Variants in TRIM9 observed in about 807,000 individuals in gnomAD.
The protein encoded by TRIM9 is tripartite motif containing 9.
TRIM9 carries 26 observed loss-of-function variants against 78.3 expected under a neutral mutation model. The ratio of observed to expected loss-of-function variants is 0.33; its 90% CI spans 0.24 to 0.46. The LOEUF is 0.46. Among genes scored for constraint, TRIM9 ranks in the 20% least tolerant of loss-of-function variants. The probability of loss-of-function intolerance (pLI) is 1.00; values close to 1 mark genes in which losing one functional copy is unlikely to be tolerated. For missense variants in TRIM9, 787 were observed against 1,036.4 expected (o/e 0.76, Z 3.30); for synonymous variants, 398 against 416.5 (o/e 0.96, Z 0.54).
chr14:51,011,254 T>C (rs1299543666), intron 3 of TRIM9, among the ~76,000 whole-genome samples: 3 of 152,214 alleles, frequency 2.0e-5, no homozygotes, highest in Admixed American at 2.0e-4. Context: ...TAAGAAGCTG[T>C]CTGTGCTTGG....
chr14:50,993,738 G>T (rs1219699702), intron 7 of TRIM9, among the ~76,000 whole-genome samples: 2 of 152,138 alleles, frequency 1.3e-5, no homozygotes, highest in African/African-American at 4.8e-5. Context: ...ACAGACTTTG[G>T]ATAGTTTTCC....
chr14:51,069,171 T>A (rs2062000237), intron 1 of TRIM9, among the ~76,000 whole-genome samples: 1 of 152,194 alleles, frequency 6.6e-6, no homozygotes, highest in African/African-American at 2.4e-5. Flanking sequence ...TCCAAGTGCA[T>A]GGATATTTTC....
At chr14:51,057,114 T>C (rs1190683642) in intron 1 of TRIM9, among the ~76,000 whole-genome samples, 1 of 152,214 alleles carries the variant, frequency 6.6e-6, no homozygotes, top group Non-Finnish European at 1.5e-5. Flanking sequence ...TGGCCACAGA[T>C]GCTGTGCTCT....
intron 1 of TRIM9, among the ~76,000 whole-genome samples, chr14:51,093,806 T>G (rs1347858213): frequency 6.6e-6 from 1 of 152,088 alleles, no homozygotes; most frequent in African/African-American, 2.4e-5. Flanking sequence ...TCCCACACAC[T>G]GGCCGCGGCC....
chr14:51,025,847 A>G lies in TRIM9; in HGVS notation c.823-487T>C, dbSNP rs967495825. On this transcript the variant is annotated intron_variant, in intron 1 of 12. Coordinates refer to ENST00000684578, the MANE Select transcript of TRIM9 (RefSeq NM_001387360.1). ...CTGGGGCCACTTAAATATAATCACAAATTCAATGGGCAGGATGACATTCCA... is the reference window on the plus strand; with the variant it reads ...CTGGGGCCACTTAAATATAATCACAGATTCAATGGGCAGGATGACATTCCA... 2.6e-5 allele frequency among the ~76,000 whole-genome samples: 4 copies of G among 151,996 alleles called. No individual in the cohort carries two copies. In the East Asian group the frequency reaches 7.7e-4, roughly 29 times the overall value.
chr14:51,040,449 C>T (rs1010226309), intron 1 of TRIM9, among the ~76,000 whole-genome samples: 4 of 152,130 alleles, frequency 2.6e-5, no homozygotes, highest in African/African-American at 9.7e-5. Context: ...CTGGTCTGTG[C>T]GCCCTCCCAC....
At chr14:51,052,030 G>A (rs2060470356) in intron 1 of TRIM9, among the ~76,000 whole-genome samples, 1 of 141,044 alleles carries the variant, frequency 7.1e-6, no homozygotes, top group African/African-American at 2.7e-5. Flanking sequence ...GAGGGGAGGG[G>A]AGGGGAGGGA....
intron 4 of TRIM9, among the ~76,000 whole-genome samples, chr14:51,010,169 CCT>C (rs2056396781): frequency 6.6e-6 from 1 of 151,714 alleles, no homozygotes; most frequent in Non-Finnish European, 1.5e-5. Flanking sequence ...AGCCCATGGA[CCT>C]CTCAGACTTG....
intron 1 of TRIM9, among the ~76,000 whole-genome samples, chr14:51,052,048 A>G (rs2060475636): frequency 1.3e-5 from 1 of 76,042 alleles, no homozygotes; most frequent in African/African-American, 5.8e-5. Flanking sequence ...GGAAAAGAAG[A>G]GAAGAGAAGA....
intron 3 of TRIM9, among the ~76,000 whole-genome samples, chr14:51,014,789 G>A (rs753346084): frequency 6.6e-6 from 1 of 152,146 alleles, no homozygotes; most frequent in African/African-American, 2.4e-5. Flanking sequence ...CCACCTCACT[G>A]TTGTCTTTGA....
At chr14:51,053,584 T>TTC (rs1439630077) in intron 1 of TRIM9, among the ~76,000 whole-genome samples, 1 of 120,954 alleles carries the variant, frequency 8.3e-6, no homozygotes, top group Non-Finnish European at 1.8e-5. Flanking sequence ...AATTTTCTTT[T>TTC]TTTTTTTTTA....
At chr14:51,076,675 C>T (rs2062810144) in intron 1 of TRIM9, among the ~76,000 whole-genome samples, 1 of 152,178 alleles carries the variant, frequency 6.6e-6, no homozygotes, top group Non-Finnish European at 1.5e-5. Flanking sequence ...TGGCCAGGCT[C>T]TGTTTTAAGG....
intron 1 of TRIM9, among the ~76,000 whole-genome samples, chr14:51,038,479 C>T (rs940701903): frequency 1.3e-5 from 2 of 152,042 alleles, no homozygotes; most frequent in Non-Finnish European, 2.9e-5. Flanking sequence ...ATTGCTTCAC[C>T]TGATATTTTG....
rs912602482 is a variant in TRIM9 at position 50,976,588 on chromosome 14, T to G, written c.*703A>C. The G allele has an allele frequency of 1.3e-5, 2 of 152,612 alleles. No homozygotes were observed. Among genetic ancestry groups the G allele is most frequent in the African/African-American group, 4.8e-5 (2 of 41,434 alleles). The allele number at this position is 152,612 out of a possible 1,614,324, so 9.5% of individuals were successfully genotyped here. A position where few individuals can be genotyped will look rare whatever the true frequency, so the allele number is the denominator to read the frequency against. On this transcript the variant is annotated 3_prime_UTR_variant, in exon 13 of 13. Coordinates refer to ENST00000684578, the MANE Select transcript of TRIM9 (RefSeq NM_001387360.1). ...GAACCAAATCATTAAGTCCCCTGGT[T>G]TGCCTGTGTCTTAGAGACTTTCCAA...
At chr14:50,983,356 G>A in intron 9 of TRIM9, 24 bp downstream of exon 9, 1 of 1,519,898 alleles carries the variant, frequency 6.6e-7, no homozygotes, top group Non-Finnish European at 8.9e-7. Context: ...GTAAGTAAAA[G>A]ATAATTACAA....
rs181737738 is a variant in TRIM9 at position 51,066,099 on chromosome 14, G to A, written c.822+28019C>T. On this transcript the variant is annotated intron_variant, in intron 1 of 12. Transcript: ENST00000684578. ...AAGGAAGGAAGGAAGGAGGGAGGGA[G>A]GGACGGAGGGAGGGAGGGAGGGGAG... 7.5e-3 allele frequency among the ~76,000 whole-genome samples: 1,003 copies of A among 134,204 alleles called. 13 individuals carry two copies. Among genetic ancestry groups the A allele is most frequent in the Admixed American group, 0.012 (157 of 13,130 alleles). 88.0% of individuals were successfully genotyped at this position (134,204 alleles called of 152,430 possible). A position where few individuals can be genotyped will look rare whatever the true frequency, so the allele number is the denominator to read the frequency against.
At chr14:51,051,525 A>AT (rs997796145) in intron 1 of TRIM9, among the ~76,000 whole-genome samples, 1 of 152,200 alleles carries the variant, frequency 6.6e-6, no homozygotes, top group African/African-American at 2.4e-5. Flanking sequence ...AGGATGGGAG[A>AT]TTTTTACACA....
chr14:51,012,890 TTGGG>T (rs746641773), intron 3 of TRIM9, among the ~76,000 whole-genome samples: 18 of 152,198 alleles, frequency 1.2e-4, no homozygotes, highest in Admixed American at 5.2e-4. Context: ...ATTTTTAAAA[TTGGG>T]TGTTTTTGTT....
intron 5 of TRIM9, 102 bp from the exon 6 acceptor site, chr14:51,000,942 C>T: frequency 7.2e-7 from 1 of 1,393,518 alleles, no homozygotes; most frequent in African/African-American, 1.4e-5. Flanking sequence ...TTAGAAGTAG[C>T]CAGAATGGGG....
Sources: gnomAD v4.1 joint callset for allele counts (sites outside exome capture counted in the v4.1 genomes callset) on GRCh38, gnomAD v4.1.1 for gene constraint, MANE v1.5 for transcripts, NCBI Gene and HGNC (gene_info 2026-07-23, HGNC 2026-07-21) for gene names.